Variants in SHANK2 observed in about 807,000 individuals in gnomAD.
SHANK2 encodes the protein SH3 and multiple ankyrin repeat domains protein 2.
In SHANK2, 43 loss-of-function variants were observed where a neutral mutation model predicts 133.7. The observed-to-expected ratio is 0.32, with a 90% CI of 0.25 to 0.41. The LOEUF (loss-of-function observed/expected upper bound fraction) is 0.41, where lower values mean the gene tolerates loss of function less well. SHANK2 is among the 10% of genes least tolerant of loss of function. The pLI is 1.00. For missense variants in SHANK2, 1,994 were observed against 2,235.8 expected (o/e 0.89, Z 2.18); for synonymous variants, 1,017 against 952.8 (o/e 1.07, Z -1.24).
chr11:70,849,067 G>A lies in SHANK2; in HGVS notation c.1175-28385C>T, dbSNP rs183140302. 1.1e-4 allele frequency among the ~76,000 whole-genome samples: 16 copies of A among 152,166 alleles called. No individual in the cohort carries two copies. The East Asian group carries it at 2.5e-3, about 24-fold the overall frequency. On this transcript the variant is annotated intron_variant, in intron 11 of 25. Transcript: ENST00000601538. Reference sequence around the variant, plus strand: ...CACTGAAAATATGAATGGTAGAAACGGCCTGGACCTCACACTCCGGAATGT... The same window carrying A: ...CACTGAAAATATGAATGGTAGAAACAGCCTGGACCTCACACTCCGGAATGT...
Position 70,685,003 on chromosome 11 carries a change from G to C in SHANK2, c.1853+13685C>G, listed in dbSNP as rs1591747250. Among the ~76,000 whole-genome samples, 3 of 152,052 alleles carry C rather than the reference G, an allele frequency of 2.0e-5. No homozygotes were observed. In the South Asian group the frequency reaches 6.2e-4, roughly 32 times the overall value. On this transcript the variant is annotated intron_variant, in intron 15 of 25. Coordinates refer to ENST00000601538, the MANE Select transcript of SHANK2 (RefSeq NM_012309.5). The stretch of plus-strand genomic sequence containing the variant: ...CTGTGCTGCAGAAAGGTGAGGCAAA[G>C]GACCCTGGGCAAGGCCTGACCCCAA...
intron 17 of SHANK2, among the ~76,000 whole-genome samples, chr11:70,638,382 G>A (rs1183806282): frequency 1.3e-5 from 2 of 152,308 alleles, no homozygotes; most frequent in East Asian, 1.9e-4. Context: ...CTGCATCCAC[G>A]CCCGGCCCCG....
intron 13 of SHANK2, among the ~76,000 whole-genome samples, chr11:70,802,070 A>G (rs782088879): frequency 9.2e-5 from 14 of 152,108 alleles, no homozygotes; most frequent in Non-Finnish European, 2.1e-4. Context: ...GTGGGTAGAG[A>G]GCAGGTGAAG....
intron 17 of SHANK2, among the ~76,000 whole-genome samples, chr11:70,554,475 A>G (rs1270698303): frequency 2.0e-5 from 3 of 150,980 alleles, no homozygotes; most frequent in Non-Finnish European, 4.4e-5. Context: ...CAAAGACTTT[A>G]TATTTTGGAA....
chr11:70,834,633 C>A (rs1424180125), intron 11 of SHANK2, among the ~76,000 whole-genome samples: 1 of 152,182 alleles, frequency 6.6e-6, no homozygotes, highest in Non-Finnish European at 1.5e-5. Flanking sequence ...TATTAGTAGG[C>A]AACATTTCTC....
chr11:70,883,214 C>T (rs782143269), intron 11 of SHANK2, among the ~76,000 whole-genome samples: 4 of 152,130 alleles, frequency 2.6e-5, no homozygotes, highest in Non-Finnish European at 4.4e-5. Context: ...AGCACTGAGC[C>T]CAGGCCTGGC....
At chr11:70,714,456 C>A (rs1316421325) in intron 14 of SHANK2, among the ~76,000 whole-genome samples, 3 of 152,218 alleles carry the variant, frequency 2.0e-5, no homozygotes, top group African/African-American at 7.2e-5. Flanking sequence ...CAGGCACTGT[C>A]ATTATAATAA....
Position 70,730,523 on chromosome 11 carries a change from G to C in SHANK2, c.1778-31760C>G, listed in dbSNP as rs547967008. Among the ~76,000 whole-genome samples, 3 of 152,172 alleles carry C rather than the reference G, an allele frequency of 2.0e-5. No individual in the cohort carries two copies. The South Asian group carries it at 6.2e-4, about 32-fold the overall frequency. On this transcript the variant is annotated intron_variant, in intron 14 of 25. Transcript: ENST00000601538. The stretch of plus-strand genomic sequence containing the variant: ...TGCCCACCCCTGTAACGCTGAGTGT[G>C]CCCCTAACTGGACCGCATCTCCCAG...
chr11:70,524,495 C>T (rs2059371642), intron 17 of SHANK2, among the ~76,000 whole-genome samples: 1 of 152,226 alleles, frequency 6.6e-6, no homozygotes, highest in Admixed American at 6.5e-5. Context: ...CTTTGCTCCA[C>T]ATTGATCTGC....
At chr11:70,701,157 TGTGTGTACGC>T (rs1233470882) in intron 14 of SHANK2, among the ~76,000 whole-genome samples, 6 of 150,972 alleles carry the variant, frequency 4.0e-5, no homozygotes, top group African/African-American at 1.5e-4. Flanking sequence ...TGTGTGCGTG[TGTGTGTACGC>T]GTGTGTGTGT....
intron 17 of SHANK2, among the ~76,000 whole-genome samples, chr11:70,628,029 G>C (rs2060927748): frequency 6.6e-6 from 1 of 151,982 alleles, no homozygotes; most frequent in African/African-American, 2.4e-5. Flanking sequence ...GTGTGAGCTT[G>C]GCTCACTGAA....
chr11:71,167,901 G>A (rs1237752409), intron 2 of SHANK2, among the ~76,000 whole-genome samples: 1 of 148,140 alleles, frequency 6.8e-6, no homozygotes, highest in Non-Finnish European at 1.5e-5. Flanking sequence ...CTCCCGGACA[G>A]GGCGGCTGTC....
At chr11:71,077,492 A>T (rs1399877800) in intron 8 of SHANK2, among the ~76,000 whole-genome samples, 1 of 152,058 alleles carries the variant, frequency 6.6e-6, no homozygotes, top group Non-Finnish European at 1.5e-5. Context: ...TCCATTTTCC[A>T]CTTTTCCCAC....
chr11:70,535,129 A>G lies in SHANK2; in HGVS notation c.2062-32198T>C, dbSNP rs144219238. 1.8e-4 allele frequency among the ~76,000 whole-genome samples: 28 copies of G among 152,258 alleles called. No individual in the cohort carries two copies. The highest frequency in any genetic ancestry group is 6.3e-4 in the African/African-American group (26 of 41,544). On this transcript the variant is annotated intron_variant, in intron 17 of 25. Coordinates refer to ENST00000601538, the MANE Select transcript of SHANK2 (RefSeq NM_012309.5). The surrounding 1 kb of genome is among the most constrained non-coding windows in gnomAD (Gnocchi z 4.3). ...GAGGCAGGCACATGAAGTAGTGCTC[A>G]TGACCAGGGATGGTTCCCACGAACA...
At chr11:71,145,197 C>G (rs782528991) in intron 3 of SHANK2, among the ~76,000 whole-genome samples, 1 of 152,216 alleles carries the variant, frequency 6.6e-6, no homozygotes, top group African/African-American at 2.4e-5. Flanking sequence ...GAGCCTCCCC[C>G]ACAACGGGTG....
At chr11:70,574,393 C>G (rs1554983803) in intron 17 of SHANK2, among the ~76,000 whole-genome samples, 1 of 152,238 alleles carries the variant, frequency 6.6e-6, no homozygotes, top group African/African-American at 2.4e-5. Context: ...TCTTTGGAGG[C>G]AGGAGAACAG....
chr11:71,193,344 T>TGC (rs576043485), intron 2 of SHANK2, among the ~76,000 whole-genome samples: 51 of 152,060 alleles, frequency 3.4e-4, no homozygotes, highest in Non-Finnish European at 6.6e-4. Context: ...AGTGTGTGTG[T>TGC]GCATGCACAC....
At position 71,143,869 on chromosome 11, in the gene SHANK2, C is replaced by T. The variant is rs147204664; in HGVS notation, c.207+3251G>A. On this transcript the variant is annotated intron_variant, in intron 3 of 25. Coordinates refer to ENST00000601538, the MANE Select transcript of SHANK2 (RefSeq NM_012309.5). ...CTTCCTCTGGGAGCAATGGCCAAGG[C>T]GTCACTCATTCAGCATCTGTGGCAA... Among the ~76,000 whole-genome samples, 52 of 151,974 alleles carry T rather than the reference C, an allele frequency of 3.4e-4. No homozygotes were observed. In the South Asian group the frequency reaches 7.9e-3, roughly 23 times the overall value.
At chr11:71,201,546 CGTGA>C (rs1176785192) in intron 2 of SHANK2, among the ~76,000 whole-genome samples, 2 of 152,188 alleles carry the variant, frequency 1.3e-5, no homozygotes, top group African/African-American at 4.8e-5. Context: ...AGCAGGGGCT[CGTGA>C]GTGAGGGTCC....
Sources: allele counts gnomAD v4.1 joint callset (sites outside exome capture counted in the v4.1 genomes callset), GRCh38; gene constraint gnomAD v4.1.1; non-coding constraint Gnocchi (gnomAD v3.1); transcripts MANE v1.5; gene names NCBI Gene and HGNC (gene_info 2026-07-23, HGNC 2026-07-21).